ATP5F1C: variants seen among roughly 807,000 people sequenced by gnomAD.
ATP5F1C encodes ATP synthase F1 subunit gamma.
In ATP5F1C, 22 loss-of-function variants were observed where a neutral mutation model predicts 37.4. That is an observed-to-expected ratio of 0.59 (90% CI 0.42 to 0.84). ATP5F1C has a LOEUF of 0.84. Among genes scored for constraint, ATP5F1C ranks in the 40% least tolerant of loss-of-function variants. The pLI, the probability that ATP5F1C is intolerant of heterozygous loss-of-function variation, is 0.00. For missense variants in ATP5F1C, 286 were observed against 362.4 expected (o/e 0.79, Z 1.71); for synonymous variants, 121 against 128.0 (o/e 0.95, Z 0.37).
At position 7,800,168 on chromosome 10, in the gene ATP5F1C, A is replaced by G. The variant is rs1488832512; in HGVS notation, c.637+77A>G. ...TTGTACACTAAGGCAGACAGTGTCA[A>G]GATATCTGGTGGTAGCTATAGCAAA... On this transcript the variant is annotated intron_variant, in intron 6 of 9. Transcript: ENST00000356708. 9 of 1,379,892 alleles carry G rather than the reference A, an allele frequency of 6.5e-6. No individual in the cohort carries two copies. The African/African-American group carries it at 1.3e-4, about 20-fold the overall frequency. 85.5% of individuals were successfully genotyped at this position (1,379,892 alleles called of 1,614,324 possible).
chr10:7,791,866 C>T (rs935097158), intron 1 of ATP5F1C, among the ~76,000 whole-genome samples: 1 of 152,186 alleles, frequency 6.6e-6, no homozygotes, highest in Non-Finnish European at 1.5e-5. Context: ...AGGGCAAATG[C>T]GTAGCATTAT....
intron 1 of ATP5F1C, among the ~76,000 whole-genome samples, chr10:7,793,670 G>T (rs989954665): frequency 6.6e-6 from 1 of 152,016 alleles, no homozygotes; most frequent in Non-Finnish European, 1.5e-5. Context: ...CATGCTTTTG[G>T]TGTTGTGTTT....
At chr10:7,791,077 G>A (rs373743395) in intron 1 of ATP5F1C, among the ~76,000 whole-genome samples, 1 of 152,090 alleles carries the variant, frequency 6.6e-6, no homozygotes, top group Non-Finnish European at 1.5e-5. Context: ...CGAGGCGGGC[G>A]GATCACAAGG....
In ATP5F1C at chr10:7,807,771, A is replaced by G; in HGVS notation, c.*143A>G. 8.1e-7 allele frequency: 1 copy of G among 1,233,822 alleles called. No individual in the cohort carries two copies. The highest frequency in any genetic ancestry group is 1.1e-6 in the Non-Finnish European group (1 of 885,088). The allele number at this position is 1,233,822 out of a possible 1,614,324, so 76.4% of individuals were successfully genotyped here. A position where few individuals can be genotyped will look rare whatever the true frequency, so the allele number is the denominator to read the frequency against. On this transcript the variant is annotated 3_prime_UTR_variant, in exon 10 of 10. Coordinates refer to ENST00000356708, the MANE Select transcript of ATP5F1C (RefSeq NM_001001973.3). ...ACTGAAGACAGCAAGATATTTGTAA[A>G]TTATCTTAAAATAAACAACTTAAAA...
rs1486782730 is a variant in ATP5F1C at position 7,790,273 on chromosome 10, T to C, written c.56+2010T>C. ...AAGTACAATTTGTTATTTTAGTTTT[T>C]GTTTTCAGAGAGGCTACCATGCTAA... On this transcript the variant is annotated intron_variant, in intron 1 of 9. Transcript: ENST00000356708. Among the ~76,000 whole-genome samples, 3 of 152,382 alleles carry C rather than the reference T, an allele frequency of 2.0e-5. No individual in the cohort carries two copies. In the East Asian group the frequency reaches 5.8e-4, roughly 29 times the overall value.
intron 1 of ATP5F1C, among the ~76,000 whole-genome samples, chr10:7,791,679 T>G (rs1404605253): frequency 6.6e-6 from 1 of 152,182 alleles, no homozygotes; most frequent in African/African-American, 2.4e-5. Context: ...GATTCAGAGC[T>G]TTATCTCCTC....
intron 1 of ATP5F1C, among the ~76,000 whole-genome samples, chr10:7,791,121 G>A (rs1290138360): frequency 6.6e-6 from 1 of 152,108 alleles, no homozygotes; most frequent in Admixed American, 6.6e-5. Context: ...CCAACATGGT[G>A]AAACCCTGTC....
At chr10:7,792,372 T>G (rs565019619) in intron 1 of ATP5F1C, among the ~76,000 whole-genome samples, 1 of 151,902 alleles carries the variant, frequency 6.6e-6, no homozygotes, top group Admixed American at 6.6e-5. Context: ...GTGAGGGGAG[T>G]GAGACCCTGT....
chr10:7,804,643 C>G (rs1040787090), intron 8 of ATP5F1C, among the ~76,000 whole-genome samples: 2 of 152,178 alleles, frequency 1.3e-5, no homozygotes, highest in African/African-American at 4.8e-5. Flanking sequence ...CTCTTACAGC[C>G]TTGTATGAGG....
chr10:7,792,675 T>A (rs1836180727), intron 1 of ATP5F1C, among the ~76,000 whole-genome samples: 1 of 152,240 alleles, frequency 6.6e-6, no homozygotes, highest in South Asian at 2.1e-4. Flanking sequence ...TGCCTTTTTA[T>A]AACTTAATAG....
Position 7,807,735 on chromosome 10 carries a change from T to C in ATP5F1C, c.*107T>C. ...TTTGTCCGAAGAAACTGTTCCTCCA[T>C]TATTTGAATTACTGAAGACAGCAAG... is the stretch of plus-strand genomic sequence containing the variant. On this transcript the variant is annotated 3_prime_UTR_variant, in exon 10 of 10. Coordinates refer to ENST00000356708, the MANE Select transcript of ATP5F1C (RefSeq NM_001001973.3). 6.7e-7 allele frequency: 1 copy of C among 1,497,662 alleles called. No individual in the cohort carries two copies. The highest frequency in any genetic ancestry group is 9.1e-7 in the Non-Finnish European group (1 of 1,093,014). 92.8% of individuals were successfully genotyped at this position (1,497,662 alleles called of 1,614,324 possible).
In ATP5F1C at chr10:7,802,307, G is replaced by A; in HGVS notation, c.675G>A (p.Val225=). The A allele has an allele frequency of 6.2e-7, 1 of 1,613,818 alleles. No individual in the cohort carries two copies. The highest frequency in any genetic ancestry group is 8.5e-7 in the Non-Finnish European group (1 of 1,179,930). The change falls in exon 7 of 10, where the codon GTG becomes GTA. Residue 225 remains valine, a synonymous_variant. Coordinates refer to ENST00000356708, the MANE Select transcript of ATP5F1C (RefSeq NM_001001973.3). ...MSIYDDIDAD[V]LQNYQEYNLA... ...TCTATGACGATATTGATGCTGACGT[G>A]CTGCAAAATTACCAAGAATACAATC...
chr10:7,794,929 C>T (rs1365818233), intron 1 of ATP5F1C, among the ~76,000 whole-genome samples: 1 of 152,132 alleles, frequency 6.6e-6, no homozygotes, highest in East Asian at 1.9e-4. Flanking sequence ...TATTGCTTTG[C>T]CAGCATCTTC....
At chr10:7,799,633 G>A in intron 4 of ATP5F1C, 139 bp from the exon 5 acceptor site, 7 of 915,350 alleles carry the variant, frequency 7.6e-6, no homozygotes, top group Non-Finnish European at 1.1e-5. Flanking sequence ...ATAGTGTGTG[G>A]AACAACTCAG....
At chr10:7,789,632 C>T (rs1836127661) in intron 1 of ATP5F1C, among the ~76,000 whole-genome samples, 1 of 152,204 alleles carries the variant, frequency 6.6e-6, no homozygotes, top group African/African-American at 2.4e-5. Context: ...AGGTCTCAGT[C>T]AGTTTCCTGG....
chr10:7,800,297 A>G (rs777335432), intron 6 of ATP5F1C, among the ~76,000 whole-genome samples: 151 of 150,520 alleles, frequency 1.0e-3, no homozygotes, highest in Middle Eastern at 3.6e-3. Context: ...CTGGGTTCAC[A>G]CCATTCTCCT....
intron 3 of ATP5F1C, among the ~76,000 whole-genome samples, chr10:7,798,429 C>G (rs185308393): frequency 2.6e-5 from 4 of 151,510 alleles, no homozygotes; most frequent in Non-Finnish European, 4.4e-5. Flanking sequence ...TTTTCTGAGT[C>G]GGAGTCTAGC....
At chr10:7,798,167 C>G (rs577555437) in intron 3 of ATP5F1C, among the ~76,000 whole-genome samples, 3 of 152,082 alleles carry the variant, frequency 2.0e-5, no homozygotes, top group African/African-American at 7.2e-5. Flanking sequence ...TCCTCAGTAT[C>G]TCAACTGACA....
rs1389026101 is a variant in ATP5F1C at position 7,800,096 on chromosome 10, G to A, written c.637+5G>A. Reference sequence around the variant, plus strand: ...TTAATACCGTTGCAAGTGCTGGTAAGTAGTTTTTCTATGATACATATTTTT... The same window carrying A: ...TTAATACCGTTGCAAGTGCTGGTAAATAGTTTTTCTATGATACATATTTTT... On this transcript the variant is annotated splice_donor_5th_base_variant and intron_variant, in intron 6 of 9. Coordinates refer to ENST00000356708, the MANE Select transcript of ATP5F1C (RefSeq NM_001001973.3). 4 of 1,613,382 alleles carry A rather than the reference G, an allele frequency of 2.5e-6. No homozygotes were observed. In the East Asian group the frequency reaches 8.9e-5, roughly 36 times the overall value.
Sources: allele counts gnomAD v4.1 joint callset (sites outside exome capture counted in the v4.1 genomes callset), GRCh38; gene constraint gnomAD v4.1.1; transcripts MANE v1.5; gene names NCBI Gene and HGNC (gene_info 2026-07-23, HGNC 2026-07-21).